The following MOB3B variants were observed in gnomAD, a reference collection of about 807,000 sequenced individuals.
MOB3B encodes the protein MOB kinase activator 3B.
Under a neutral mutation model 18.7 loss-of-function variants are expected in MOB3B, and 7 were observed. That is an observed-to-expected ratio of 0.37 (90% CI 0.21 to 0.70). The LOEUF is 0.70. Ranked by LOEUF, MOB3B falls within the 30% of genes least tolerant of loss-of-function variation. The pLI, the probability that MOB3B is intolerant of heterozygous loss-of-function variation, is 0.52. For missense variants in MOB3B, 253 were observed against 281.3 expected (o/e 0.90, Z 0.72); for synonymous variants, 111 against 99.9 (o/e 1.11, Z -0.66).
chr9:27,517,268 A>G (rs1820249460), intron 1 of MOB3B, among the ~76,000 whole-genome samples: 1 of 152,190 alleles, frequency 6.6e-6, no homozygotes, highest in African/African-American at 2.4e-5. Flanking sequence ...GGAATTTGGC[A>G]TTGTGTCTAA....
At chr9:27,503,110 T>C (rs1034321964) in intron 1 of MOB3B, among the ~76,000 whole-genome samples, 37 of 152,176 alleles carry the variant, frequency 2.4e-4, no homozygotes, top group Admixed American at 2.1e-3. Flanking sequence ...GGCATCTAAT[T>C]CTCCTCAAAT....
chr9:27,459,269 G>A (rs1356608683), intron 1 of MOB3B, among the ~76,000 whole-genome samples: 1 of 152,164 alleles, frequency 6.6e-6, no homozygotes, highest in African/African-American at 2.4e-5. Context: ...TTAGAACAGT[G>A]CTTAGCCAAT....
chr9:27,448,540 A>G (rs1280195763), intron 2 of MOB3B, among the ~76,000 whole-genome samples: 1 of 152,174 alleles, frequency 6.6e-6, no homozygotes, highest in East Asian at 1.9e-4. Flanking sequence ...AGACTTATTC[A>G]CTACCCATGA....
chr9:27,503,478 A>G (rs935660809), intron 1 of MOB3B, among the ~76,000 whole-genome samples: 1 of 152,208 alleles, frequency 6.6e-6, no homozygotes, highest in African/African-American at 2.4e-5. Flanking sequence ...TTTGGGAAGG[A>G]GAGGTGGCCA....
intron 3 of MOB3B, among the ~76,000 whole-genome samples, chr9:27,347,284 A>C (rs1191218538): frequency 1.3e-5 from 2 of 152,266 alleles, no homozygotes; most frequent in Non-Finnish European, 2.9e-5. Context: ...TAAGGGCCAC[A>C]GTTTGGTAAC....
rs1819294651 is a variant in MOB3B at position 27,461,912 on chromosome 9, A to T, written c.-198-6164T>A. On this transcript the variant is annotated intron_variant, in intron 1 of 3. Coordinates refer to ENST00000262244, the MANE Select transcript of MOB3B (RefSeq NM_024761.5). ...GGAAAGAGTAAAAGAAAAGAGTGGGATTTGTTTGGTATGGTTTGAAACATT... is the reference window on the plus strand; with the variant it reads ...GGAAAGAGTAAAAGAAAAGAGTGGGTTTTGTTTGGTATGGTTTGAAACATT... Among the ~76,000 whole-genome samples the T allele has an allele frequency of 1.3e-5, 2 of 152,192 alleles. 1 individual carries two copies. Among genetic ancestry groups the T allele is most frequent in the South Asian group, 4.1e-4 (2 of 4,836 alleles).
In MOB3B at chr9:27,420,548, CATATATATATATATATATATATATAT is replaced by C. The variant is rs55684272; in HGVS notation, c.418+34559_418+34584del. Among the ~76,000 whole-genome samples, 112 of 31,084 alleles carry C rather than the reference CATATATATATATATATATATATATAT, an allele frequency of 3.6e-3. 1 individual carries two copies. Among genetic ancestry groups the C allele is most frequent in the African/African-American group, 0.012 (76 of 6,234 alleles). The allele number at this position is 31,084 out of a possible 152,430, so 20.4% of individuals were successfully genotyped here. On this transcript the variant is annotated intron_variant, in intron 2 of 3. Transcript: ENST00000262244. ...ATCTATATATTCCATCTGTATATTC[CATATATATATATATATATATATATAT>C]ATATATATATATATATATATATGGA...
intron 1 of MOB3B, among the ~76,000 whole-genome samples, chr9:27,501,915 A>G (rs1819998315): frequency 6.6e-6 from 1 of 152,212 alleles, no homozygotes; most frequent in Non-Finnish European, 1.5e-5. Context: ...GGCAAAAGGA[A>G]TTTTAAATAT....
intron 2 of MOB3B, among the ~76,000 whole-genome samples, chr9:27,411,424 G>A (rs894657766): frequency 1.6e-4 from 24 of 152,354 alleles, no homozygotes; most frequent in African/African-American, 5.8e-4. Context: ...ACAGTGTGAA[G>A]ATCAGAGGCC....
At chr9:27,511,440 A>G (rs1820141985) in intron 1 of MOB3B, among the ~76,000 whole-genome samples, 1 of 152,184 alleles carries the variant, frequency 6.6e-6, no homozygotes, top group Admixed American at 6.5e-5. Flanking sequence ...CACCGGTAAC[A>G]CTGTGCTCAA....
At chr9:27,479,341 T>C (rs958056038) in intron 1 of MOB3B, among the ~76,000 whole-genome samples, 8 of 152,158 alleles carry the variant, frequency 5.3e-5, no homozygotes, top group African/African-American at 1.9e-4. Context: ...CATTAATCCA[T>C]TCATGAGGGC....
intron 1 of MOB3B, among the ~76,000 whole-genome samples, chr9:27,465,523 G>A (rs990226357): frequency 6.6e-6 from 1 of 152,122 alleles, no homozygotes; most frequent in African/African-American, 2.4e-5. Context: ...TCTGGAAGAC[G>A]ATGGCCCTCT....
chr9:27,424,432 G>A (rs763414801), intron 2 of MOB3B, among the ~76,000 whole-genome samples: 2 of 152,194 alleles, frequency 1.3e-5, no homozygotes, highest in African/African-American at 2.4e-5. Context: ...GGTCCCCAGT[G>A]AGTCATTTCA....
chr9:27,328,131 G>C lies in MOB3B; in HGVS notation c.*2456C>G, dbSNP rs1820737874. The C allele has an allele frequency of 6.6e-6, 1 of 151,684 alleles. No homozygotes were observed. Among genetic ancestry groups the C allele is most frequent in the Non-Finnish European group, 1.5e-5 (1 of 67,958 alleles). 9.4% of individuals were successfully genotyped at this position (151,684 alleles called of 1,614,324 possible). A position where few individuals can be genotyped will look rare whatever the true frequency, so the allele number is the denominator to read the frequency against. On this transcript the variant is annotated 3_prime_UTR_variant, in exon 4 of 4. Coordinates refer to ENST00000262244, the MANE Select transcript of MOB3B (RefSeq NM_024761.5). ...CAACTGATGCACTAAAGGACATAAG[G>C]GTACTCACTATAATCTTTCAACTTT...
chr9:27,486,975 A>G (rs1819737292), intron 1 of MOB3B, among the ~76,000 whole-genome samples: 1 of 151,996 alleles, frequency 6.6e-6, no homozygotes, highest in African/African-American at 2.4e-5. Flanking sequence ...TACTAAAAAT[A>G]CAAAAATTAG....
intron 1 of MOB3B, among the ~76,000 whole-genome samples, chr9:27,502,868 G>A (rs1365540044): frequency 1.3e-5 from 2 of 152,196 alleles, no homozygotes; most frequent in Non-Finnish European, 2.9e-5. Context: ...CCAGGTTTTA[G>A]CCTAAGTGTT....
chr9:27,479,516 T>G (rs997659072), intron 1 of MOB3B, among the ~76,000 whole-genome samples: 1 of 152,094 alleles, frequency 6.6e-6, no homozygotes, highest in Admixed American at 6.5e-5. Flanking sequence ...CATAGACCCT[T>G]GCTGAAAGAA....
chr9:27,403,718 A>T (rs1821921639), intron 2 of MOB3B, among the ~76,000 whole-genome samples: 1 of 151,732 alleles, frequency 6.6e-6, no homozygotes, highest in African/African-American at 2.4e-5. Flanking sequence ...TGACCTTGTG[A>T]TCCACCCGCC....
At chr9:27,333,804 A>G (rs929299714) in intron 3 of MOB3B, among the ~76,000 whole-genome samples, 39 of 152,246 alleles carry the variant, frequency 2.6e-4, no homozygotes, top group African/African-American at 9.2e-4. Flanking sequence ...TCAACAAAAC[A>G]AATTCCATCC....
Sources: gnomAD v4.1 joint callset for allele counts (sites outside exome capture counted in the v4.1 genomes callset) on GRCh38, gnomAD v4.1.1 for gene constraint, MANE v1.5 for transcripts, NCBI Gene and HGNC (gene_info 2026-07-23, HGNC 2026-07-21) for gene names.